The following GSTCD variants were observed in gnomAD, a reference collection of about 807,000 sequenced individuals.
GSTCD encodes the protein glutathione S-transferase C-terminal domain containing.
A neutral mutation model predicts 68.3 loss-of-function variants in GSTCD; 44 were observed. That is an observed-to-expected ratio of 0.64 (90% CI 0.51 to 0.83). GSTCD has a LOEUF of 0.83. GSTCD is among the 40% of genes least tolerant of loss of function. The pLI is 0.00. For missense variants in GSTCD, 739 were observed against 735.9 expected (o/e 1.00, Z -0.05); for synonymous variants, 273 against 255.2 (o/e 1.07, Z -0.67).
chr4:105,778,876 T>G (rs1348829271), intron 5 of GSTCD, among the ~76,000 whole-genome samples: 1 of 152,070 alleles, frequency 6.6e-6, no homozygotes, highest in Non-Finnish European at 1.5e-5. Context: ...TTTGACATCT[T>G]TACTTTATTT....
Position 105,719,211 on chromosome 4 carries a change from A to G in GSTCD, c.578A>G (p.Asp193Gly), listed in dbSNP as rs554947332. 2.0e-5 allele frequency: 32 copies of G among 1,614,070 alleles called. No homozygotes were observed. The South Asian group carries it at 3.5e-4, about 18-fold the overall frequency. Residue 193 changes from aspartate (D) to glycine (G), a missense_variant, in exon 3 of 12, where the codon GAT (aspartate) becomes GGT (glycine). By Grantham distance (94) the Asp-to-Gly change is moderately conservative (BLOSUM62 -1). Coordinates refer to ENST00000515279, the MANE Select transcript of GSTCD (RefSeq NM_001370181.1). The part of the protein sequence containing the change: ...LSEPVRVHND[D>G]KLRRQKLKQQ... ...GAGCCTGTTAGAGTGCATAATGATG[A>G]TAAACTCCGCAGGCAGAAGCTCAAG...
rs762021760 is a variant in GSTCD at position 105,726,682 on chromosome 4, C to T, written c.998C>T (p.Ser333Phe). 3.7e-6 allele frequency: 6 copies of T among 1,614,000 alleles called. No individual in the cohort carries two copies. The Admixed American group carries it at 1.0e-4, about 27-fold the overall frequency. The change falls in exon 4 of 12, where the codon TCT (serine) becomes TTT (phenylalanine). Residue 333 changes from serine (S) to phenylalanine (F), a missense_variant. Physicochemically the swap from Ser to Phe is radical, Grantham distance 155. Coordinates refer to ENST00000515279, the MANE Select transcript of GSTCD (RefSeq NM_001370181.1). Reference protein sequence around the residue: ...QEVPGVKTAASKCGIQFLHLP... With the variant: ...QEVPGVKTAAFKCGIQFLHLP... ...GTGCCAGGAGTAAAAACAGCAGCTT[C>T]TAAGTGTGGGATCCAATTTCTCCAT...
Position 105,825,784 on chromosome 4 carries a change from G to A in GSTCD, c.1514G>A (p.Gly505Glu). The change falls in exon 8 of 12, where the codon GGG (glycine) becomes GAG (glutamate). Residue 505 changes from glycine to glutamate, a missense_variant. By Grantham distance (98) the Gly-to-Glu change is moderately conservative (BLOSUM62 -2). Coordinates refer to ENST00000515279, the MANE Select transcript of GSTCD (RefSeq NM_001370181.1). ...FIQANMEYFT[G>E]MFNIGVALHA... ...CAAGCAAATATGGAATATTTTACTG[G>A]GATGTTTAATATTGGAGTAAGTAAT... is the stretch of plus-strand genomic sequence containing the variant. The A allele has an allele frequency of 6.5e-7, 1 of 1,541,596 alleles. No homozygotes were observed. The highest frequency in any genetic ancestry group is 1.1e-5 in the South Asian group (1 of 87,486).
At chr4:105,825,239 C>T (rs909762485) in intron 7 of GSTCD, among the ~76,000 whole-genome samples, 6 of 152,090 alleles carry the variant, frequency 3.9e-5, no homozygotes, top group Admixed American at 3.3e-4. Flanking sequence ...AAGGGATTCT[C>T]CTGCCTCTGC....
chr4:105,747,496 A>G (rs1001065689), intron 5 of GSTCD, among the ~76,000 whole-genome samples: 3 of 152,234 alleles, frequency 2.0e-5, no homozygotes, highest in Non-Finnish European at 4.4e-5. Flanking sequence ...GGGAACCAAT[A>G]TAATGCATGC....
intron 8 of GSTCD, among the ~76,000 whole-genome samples, chr4:105,831,375 G>T (rs1421720434): frequency 6.6e-6 from 1 of 152,114 alleles, no homozygotes; most frequent in African/African-American, 2.4e-5. Flanking sequence ...GTTAATGTGG[G>T]GGCTGGGTCT....
At chr4:105,736,795 CT>C (rs1465037771) in intron 5 of GSTCD, among the ~76,000 whole-genome samples, 1 of 152,252 alleles carries the variant, frequency 6.6e-6, no homozygotes, top group Non-Finnish European at 1.5e-5. Context: ...ATGAGACCAA[CT>C]TTTTTTACCT....
intron 5 of GSTCD, among the ~76,000 whole-genome samples, chr4:105,758,871 A>G (rs1734294042): frequency 6.6e-6 from 1 of 152,140 alleles, no homozygotes; most frequent in African/African-American, 2.4e-5. Flanking sequence ...TTACAGGCTG[A>G]TAGGGAAAAC....
At chr4:105,760,792 A>G (rs1734376148) in intron 5 of GSTCD, among the ~76,000 whole-genome samples, 1 of 152,106 alleles carries the variant, frequency 6.6e-6, no homozygotes, top group African/African-American at 2.4e-5. Context: ...CTATTGATGG[A>G]TTGGTATAGT....
chr4:105,723,327 G>A (rs914100330), intron 3 of GSTCD, among the ~76,000 whole-genome samples: 3 of 151,588 alleles, frequency 2.0e-5, no homozygotes, highest in African/African-American at 7.3e-5. Context: ...AATACAGATG[G>A]CCTTCCATAT....
intron 5 of GSTCD, among the ~76,000 whole-genome samples, chr4:105,796,696 C>T (rs1735901281): frequency 6.6e-6 from 1 of 152,148 alleles, no homozygotes; most frequent in South Asian, 2.1e-4. Context: ...AGGTCACAAA[C>T]TGATGGTCCT....
chr4:105,794,825 A>C, intron 5 of GSTCD, among the ~76,000 whole-genome samples: 1 of 99,714 alleles, frequency 1.0e-5, no homozygotes, highest in East Asian at 2.2e-4. Flanking sequence ...TTCTGCTTTT[A>C]TCTATCTATC....
rs1724576497 is a variant in GSTCD, at chr4:105,847,055, G to A, written c.*1478G>A. ...ATATTTCTGGGTAAAACTTATTAGT[G>A]GTGTGAGGAGTGCAGAATATGGAAG... On this transcript the variant is annotated 3_prime_UTR_variant, in exon 12 of 12. Transcript: ENST00000515279. 6.6e-6 allele frequency: 1 copy of A among 152,152 alleles called. No homozygotes were observed. The highest frequency in any genetic ancestry group is 2.4e-5 in the African/African-American group (1 of 41,422). 9.4% of individuals were successfully genotyped at this position (152,152 alleles called of 1,614,324 possible).
intron 9 of GSTCD, among the ~76,000 whole-genome samples, chr4:105,837,096 C>A (rs970309285): frequency 6.6e-6 from 1 of 152,096 alleles, no homozygotes; most frequent in Non-Finnish European, 1.5e-5. Context: ...ATTAATCATG[C>A]CTTTTTAAAT....
At chr4:105,838,887 CAT>C (rs1233760911) in intron 10 of GSTCD, among the ~76,000 whole-genome samples, 9 of 152,302 alleles carry the variant, frequency 5.9e-5, no homozygotes, top group African/African-American at 2.2e-4. Flanking sequence ...TCACTAAAAA[CAT>C]AGTCTCCTTT....
chr4:105,757,996 A>G (rs1392589699), intron 5 of GSTCD, among the ~76,000 whole-genome samples: 1 of 152,212 alleles, frequency 6.6e-6, no homozygotes, highest in Non-Finnish European at 1.5e-5. Context: ...GTGAGATAGA[A>G]CTTGCCATTT....
chr4:105,779,244 T>C (rs963690443), intron 5 of GSTCD, among the ~76,000 whole-genome samples: 6 of 152,284 alleles, frequency 3.9e-5, no homozygotes, highest in African/African-American at 1.2e-4. Context: ...CTTAACCTTC[T>C]TGAAGAACAC....
chr4:105,749,279 A>G (rs571684782), intron 5 of GSTCD, among the ~76,000 whole-genome samples: 1 of 152,148 alleles, frequency 6.6e-6, no homozygotes, highest in South Asian at 2.1e-4. Flanking sequence ...GAAGTAACAC[A>G]TAAAATAATT....
At chr4:105,715,368 G>A (rs1266984354) in intron 1 of GSTCD, among the ~76,000 whole-genome samples, 1 of 151,974 alleles carries the variant, frequency 6.6e-6, no homozygotes, top group African/African-American at 2.4e-5. Context: ...ATCTCTCAGT[G>A]ACAAAAATTT....
Sources: gnomAD v4.1 joint callset for allele counts (sites outside exome capture counted in the v4.1 genomes callset) on GRCh38, gnomAD v4.1.1 for gene constraint, MANE v1.5 for transcripts, NCBI Gene and HGNC (gene_info 2026-07-23, HGNC 2026-07-21) for gene names.